RIC1: variants seen among roughly 807,000 people sequenced by gnomAD.
RIC1 encodes RIC1 partner of RAB6A GEF complex, also known as guanine nucleotide exchange factor subunit RIC1.
In RIC1, 88 loss-of-function variants were observed where a neutral mutation model predicts 169.0. That is an observed-to-expected ratio of 0.52 (90% confidence interval 0.44 to 0.62). RIC1 has a LOEUF of 0.62. Among genes scored for constraint, RIC1 ranks in the 20% least tolerant of loss-of-function variants. The pLI is 0.00. For synonymous variants in RIC1, 790 were observed against 601.5 expected (o/e 1.31, Z -4.59); for missense variants, 1,877 against 1,725.5 (o/e 1.09, Z -1.56).
chr9:5,713,181 G>C (rs1823034793), intron 3 of RIC1: 1 of 152,160 alleles, frequency 6.6e-6, no homozygotes, highest in African/African-American at 2.4e-5. Flanking sequence ...CTGATGGTGA[G>C]AGACAGATAA....
chr9:5,728,199 G>T (rs1364484290), intron 6 of RIC1, among the ~76,000 whole-genome samples: 2 of 152,180 alleles, frequency 1.3e-5, no homozygotes, highest in Non-Finnish European at 2.9e-5. Flanking sequence ...CACCCACTTG[G>T]AGCTTCCCTG....
chr9:5,753,249 AT>A lies in RIC1; in HGVS notation c.1491+15del. The A allele has an allele frequency of 6.2e-7, 1 of 1,613,046 alleles. No individual in the cohort carries two copies. The highest frequency in any genetic ancestry group is 8.5e-7 in the Non-Finnish European group (1 of 1,179,122). On this transcript the variant is annotated intron_variant, in intron 13 of 25. Coordinates refer to ENST00000414202, the MANE Select transcript of RIC1 (RefSeq NM_020829.4). ...AATTGGCCTATACGGGTGAGTTGTT[AT>A]TTTGTTGGTGTTAACTTTTGTTGAC...
chr9:5,667,010 C>G (rs139708411), intron 2 of RIC1, among the ~76,000 whole-genome samples: 49 of 152,158 alleles, frequency 3.2e-4, no homozygotes, highest in African/African-American at 1.2e-3. Context: ...AGAGGTTTAT[C>G]AGTTTTGTTG....
downstream of RIC1, among the ~76,000 whole-genome samples, chr9:5,778,553 G>GCC (rs1239415735): frequency 1.3e-5 from 2 of 152,132 alleles, no homozygotes. Context: ...TGAGGATGTT[G>GCC]CCTTCTGTAT....
rs71326188 is a variant in RIC1, at chr9:5,761,104, C to CTT, written c.1993-1411_1993-1410dup. Among the ~76,000 whole-genome samples the CTT allele has an allele frequency of 2.3e-3, 222 of 94,708 alleles. 19 individuals are homozygous for CTT. Among genetic ancestry groups the CTT allele is most frequent in the African/African-American group, 8.0e-3 (189 of 23,692 alleles). The allele number at this position is 94,708 out of a possible 152,430, so 62.1% of individuals were successfully genotyped here. Reference sequence around the variant, plus strand: ...GTCTCCTTCAGTTTACCAGCCTCACCTTTTTTTTTTTTTTTTTTTTTTTTT... The same window carrying CTT: ...GTCTCCTTCAGTTTACCAGCCTCACCTTTTTTTTTTTTTTTTTTTTTTTTTTT... On this transcript the variant is annotated intron_variant, in intron 17 of 25. Transcript: ENST00000414202.
In RIC1 at chr9:5,720,722, C is replaced by A. The variant is rs928089980; in HGVS notation, c.692C>A (p.Thr231Lys). The A allele has an allele frequency of 5.0e-6, 8 of 1,610,398 alleles. No individual in the cohort carries two copies. The African/African-American group carries it at 1.1e-4, about 22-fold the overall frequency. ...AATGATGGTAAAGTTGGATTTATTA[C>A]ACCAGTGTCAAGTAGATTTACTGCA... ...VFNDGKVGFI[T>K]PVSSRFTAEQ... Residue 231 changes from threonine to lysine, a missense_variant, in exon 6 of 26, where the codon ACA becomes AAA. Coordinates refer to ENST00000414202, the MANE Select transcript of RIC1 (RefSeq NM_020829.4).
intron 2 of RIC1, among the ~76,000 whole-genome samples, chr9:5,664,575 G>A (rs903619251): frequency 6.6e-6 from 1 of 152,096 alleles, no homozygotes; most frequent in African/African-American, 2.4e-5. Flanking sequence ...TGCAGAATCT[G>A]ATGATTATAT....
At chr9:5,690,166 A>T (rs1461680430) in intron 3 of RIC1, 128 bp downstream of exon 3, 4 of 522,598 alleles carry the variant, frequency 7.7e-6, no homozygotes, top group Non-Finnish European at 1.3e-5. Flanking sequence ...AATAGTATTT[A>T]AAAAATTACC....
intron 2 of RIC1, among the ~76,000 whole-genome samples, chr9:5,673,557 T>A (rs1042151923): frequency 2.8e-5 from 4 of 142,640 alleles, no homozygotes; most frequent in Non-Finnish European, 3.0e-5. Context: ...TATATATATA[T>A]AAATAAATGT....
intron 1 of RIC1, among the ~76,000 whole-genome samples, chr9:5,645,927 G>C (rs1173385042): frequency 7.1e-6 from 1 of 141,590 alleles, no homozygotes; most frequent in Non-Finnish European, 1.5e-5. Context: ...TGGACCTGCT[G>C]TTTCATTTGG....
intron 3 of RIC1, among the ~76,000 whole-genome samples, chr9:5,702,214 A>G (rs569799401): frequency 6.6e-6 from 1 of 152,354 alleles, no homozygotes; most frequent in Non-Finnish European, 1.5e-5. Flanking sequence ...GAAAGGGAAT[A>G]TACTTTCAGT....
At chr9:5,721,981 C>T (rs13293821) in intron 6 of RIC1, among the ~76,000 whole-genome samples, 13 of 151,516 alleles carry the variant, frequency 8.6e-5, no homozygotes, top group African/African-American at 1.9e-4. Context: ...CTCCGCCTCT[C>T]GGGTTCAAGC....
intron 6 of RIC1, among the ~76,000 whole-genome samples, chr9:5,731,784 C>G (rs1416085715): frequency 6.6e-6 from 1 of 152,056 alleles, no homozygotes. Context: ...CTTTGAAACA[C>G]CCTGAGAGGT....
chr9:5,659,801 T>C (rs1322110825), intron 2 of RIC1, among the ~76,000 whole-genome samples: 3 of 152,218 alleles, frequency 2.0e-5, no homozygotes, highest in Admixed American at 2.0e-4. Context: ...TTAAGTTTCC[T>C]TTTCAGTTGT....
In RIC1 at chr9:5,762,659, T is replaced by C; in HGVS notation, c.2111T>C (p.Leu704Pro). ...KDSNPNNQRK[L>P]LPFCPPVVLA... ...AGTAACCCTAATAACCAAAGGAAAC[T>C]TGTGAGTAAAGTACTAGTCATTTCT... Residue 704 changes from leucine (L) to proline (P), a missense_variant and splice_region_variant, in exon 18 of 26, where the codon CTT becomes CCT. By Grantham distance (98) the Leu-to-Pro change is moderately conservative. This residue lies in a region of RIC1 where 1,104 missense variants were observed against 992.0 expected (regional missense o/e 1.11). Coordinates refer to ENST00000414202, the MANE Select transcript of RIC1 (RefSeq NM_020829.4). 6.2e-7 allele frequency: 1 copy of C among 1,613,334 alleles called. No individual in the cohort carries two copies. The highest frequency in any genetic ancestry group is 8.5e-7 in the Non-Finnish European group (1 of 1,179,624).
chr9:5,774,732 T>C lies in RIC1; in HGVS notation c.*486T>C, dbSNP rs548022760. The C allele has an allele frequency of 3.3e-5, 5 of 152,868 alleles. No homozygotes were observed. Among genetic ancestry groups the C allele is most frequent in the African/African-American group, 9.6e-5 (4 of 41,576 alleles). The allele number at this position is 152,868 out of a possible 1,614,324, so 9.5% of individuals were successfully genotyped here. A position where few individuals can be genotyped will look rare whatever the true frequency, so the allele number is the denominator to read the frequency against. ...TCTTTAATCAGTCCTCCTGAATAGA[T>C]TGCTACCCTGGGGCACAATATGTGC... On this transcript the variant is annotated 3_prime_UTR_variant, in exon 26 of 26. Transcript: ENST00000414202.
chr9:5,721,573 G>T (rs990818114), intron 6 of RIC1, among the ~76,000 whole-genome samples: 1 of 152,270 alleles, frequency 6.6e-6, no homozygotes, highest in South Asian at 2.1e-4. Flanking sequence ...AACGGCAAAC[G>T]GGCAGTTATT....
At chr9:5,726,379 T>C (rs1034863008) in intron 6 of RIC1, among the ~76,000 whole-genome samples, 3 of 152,228 alleles carry the variant, frequency 2.0e-5, no homozygotes, top group Non-Finnish European at 4.4e-5. Flanking sequence ...TTGCAACCCC[T>C]GCTTTTTTTT....
At chr9:5,686,910 A>G (rs1260948619) in intron 2 of RIC1, among the ~76,000 whole-genome samples, 2 of 152,188 alleles carry the variant, frequency 1.3e-5, no homozygotes, top group African/African-American at 4.8e-5. Context: ...AAGAGTCTGT[A>G]TTCAACTGAT....
Sources: allele counts gnomAD v4.1 joint callset (sites outside exome capture counted in the v4.1 genomes callset), GRCh38; gene constraint gnomAD v4.1.1; regional missense constraint gnomAD v4.1.1; transcripts MANE v1.5; gene names NCBI Gene and HGNC (gene_info 2026-07-23, HGNC 2026-07-21).